Variants in WWOX observed in about 807,000 individuals in gnomAD.
WWOX encodes the protein WW domain-containing oxidoreductase.
WWOX carries 69 observed loss-of-function variants against 46.2 expected under a neutral mutation model. That is an observed-to-expected ratio of 1.49 (90% CI 1.23 to 1.82). The LOEUF is 1.82. Among genes scored for constraint, WWOX ranks in the 40% most tolerant of loss-of-function variants. The pLI is 0.00. For missense variants in WWOX, 919 were observed against 542.6 expected (o/e 1.69, Z -6.89); for synonymous variants, 359 against 202.6 (o/e 1.77, Z -6.56).
chr16:78,155,139 G>A (rs912664118), intron 4 of WWOX, among the ~76,000 whole-genome samples: 2 of 151,954 alleles, frequency 1.3e-5, no homozygotes, highest in Non-Finnish European at 2.9e-5. Flanking sequence ...TTTAATGCTG[G>A]CAACTAATTC....
intron 5 of WWOX, among the ~76,000 whole-genome samples, chr16:78,311,195 T>A (rs1277429306): frequency 1.3e-5 from 2 of 152,168 alleles, no homozygotes; most frequent in African/African-American, 4.8e-5. Context: ...ATTTATTATG[T>A]CTAGGTGGCA....
At chr16:78,600,081 A>G (rs1300449614) in intron 8 of WWOX, among the ~76,000 whole-genome samples, 1 of 152,102 alleles carries the variant, frequency 6.6e-6, no homozygotes, top group East Asian at 1.9e-4. Flanking sequence ...GGTTGGCAGC[A>G]GGCAAAGAGT....
chr16:78,725,850 A>G (rs961252388), intron 8 of WWOX, among the ~76,000 whole-genome samples: 1 of 150,460 alleles, frequency 6.6e-6, no homozygotes, highest in Non-Finnish European at 1.5e-5. Flanking sequence ...TAGGTGCATC[A>G]CTCCAATCTG....
At chr16:78,544,243 T>A (rs1164874469) in intron 8 of WWOX, among the ~76,000 whole-genome samples, 3 of 152,230 alleles carry the variant, frequency 2.0e-5, no homozygotes, top group Admixed American at 2.0e-4. Flanking sequence ...TGACTATAAT[T>A]GTAAAACAGT....
intron 8 of WWOX, among the ~76,000 whole-genome samples, chr16:78,756,380 T>C (rs1003399672): frequency 6.6e-6 from 1 of 152,124 alleles, no homozygotes; most frequent in Non-Finnish European, 1.5e-5. Flanking sequence ...GCGGTTGAGA[T>C]AGGACAGAAC....
At chr16:78,559,940 T>C (rs1323683854) in intron 8 of WWOX, among the ~76,000 whole-genome samples, 1 of 152,210 alleles carries the variant, frequency 6.6e-6, no homozygotes, top group Non-Finnish European at 1.5e-5. Context: ...CAGCTTCTCC[T>C]GAATCTACGT....
At chr16:79,112,067 A>G (rs2049427393) in intron 8 of WWOX, among the ~76,000 whole-genome samples, 1 of 152,166 alleles carries the variant, frequency 6.6e-6, no homozygotes, top group Admixed American at 6.5e-5. Context: ...CCTGATCCCC[A>G]GGGCTGGACA....
chr16:78,592,034 C>T (rs1350945711), intron 8 of WWOX, among the ~76,000 whole-genome samples: 1 of 152,162 alleles, frequency 6.6e-6, no homozygotes, highest in Non-Finnish European at 1.5e-5. Flanking sequence ...ATCGATTTTA[C>T]CTTTGTCTCA....
intron 1 of WWOX, among the ~76,000 whole-genome samples, chr16:78,101,928 T>G (rs2031821836): frequency 6.6e-6 from 1 of 152,014 alleles, no homozygotes. Flanking sequence ...TACCAGGAAG[T>G]AGTGTGTCTG....
At chr16:78,283,689 G>A (rs1186027782) in intron 5 of WWOX, among the ~76,000 whole-genome samples, 42 of 148,300 alleles carry the variant, frequency 2.8e-4, no homozygotes, top group African/African-American at 9.4e-4. Flanking sequence ...TTAAGACATC[G>A]AAAAATTAAA....
At chr16:79,048,187 A>G (rs1158832415) in intron 8 of WWOX, among the ~76,000 whole-genome samples, 2 of 152,088 alleles carry the variant, frequency 1.3e-5, no homozygotes, top group East Asian at 1.9e-4. Flanking sequence ...TCGACTTTCT[A>G]TTTTTTGAAC....
intron 8 of WWOX, among the ~76,000 whole-genome samples, chr16:78,863,673 C>T (rs578032916): frequency 4.6e-5 from 7 of 152,260 alleles, no homozygotes; most frequent in South Asian, 2.1e-4. Flanking sequence ...CATAGTGCCT[C>T]GCACACAGCA....
intron 5 of WWOX, among the ~76,000 whole-genome samples, chr16:78,345,534 C>T (rs1347507144): frequency 1.5e-5 from 1 of 65,834 alleles, no homozygotes; most frequent in Non-Finnish European, 3.1e-5. Flanking sequence ...GTCCCATCTA[C>T]TCGGGAGGCT....
At chr16:78,987,128 C>G (rs575214435) in intron 8 of WWOX, among the ~76,000 whole-genome samples, 1 of 152,266 alleles carries the variant, frequency 6.6e-6, no homozygotes, top group East Asian at 1.9e-4. Context: ...GTATAGGACT[C>G]CAATATTTCT....
chr16:79,083,925 G>A (rs563816786), intron 8 of WWOX, among the ~76,000 whole-genome samples: 5 of 152,284 alleles, frequency 3.3e-5, no homozygotes, highest in African/African-American at 9.6e-5. Context: ...TTTCTTTTAT[G>A]AGGTCGTGCT....
At chr16:79,110,012 G>A (rs1567556433) in intron 8 of WWOX, among the ~76,000 whole-genome samples, 1 of 152,156 alleles carries the variant, frequency 6.6e-6, no homozygotes, top group Non-Finnish European at 1.5e-5. Context: ...CAAGGGCTTT[G>A]GGAAATCTCA....
chr16:78,664,131 C>A (rs2047277802), intron 8 of WWOX, among the ~76,000 whole-genome samples: 1 of 152,100 alleles, frequency 6.6e-6, no homozygotes, highest in Non-Finnish European at 1.5e-5. Flanking sequence ...TGGGAGGTGA[C>A]CCTGGAGTTA....
intron 8 of WWOX, among the ~76,000 whole-genome samples, chr16:78,451,235 A>G (rs887121624): frequency 2.9e-4 from 44 of 152,234 alleles, no homozygotes; most frequent in African/African-American, 9.6e-4. Flanking sequence ...ATGGGTCCTC[A>G]TGTTAGTCTG....
chr16:79,211,280 C>CTTTT (rs2051735407), intron 8 of WWOX, among the ~76,000 whole-genome samples: 3 of 152,146 alleles, frequency 2.0e-5, no homozygotes, highest in Non-Finnish European at 4.4e-5. Context: ...CTTGCACGTT[C>CTTTT]AGAAGGATAC....
Sources: gnomAD v4.1 joint callset for allele counts (sites outside exome capture counted in the v4.1 genomes callset) on GRCh38, gnomAD v4.1.1 for gene constraint, MANE v1.5 for transcripts, NCBI Gene and HGNC (gene_info 2026-07-23, HGNC 2026-07-21) for gene names.